SH3D21: variants seen among roughly 807,000 people sequenced by gnomAD.
The protein encoded by SH3D21 is manchette microtubule inner protein 1.
In SH3D21, 83 loss-of-function variants were observed where a neutral mutation model predicts 82.1. The ratio of observed to expected loss-of-function variants is 1.01; its 90% CI spans 0.85 to 1.21. SH3D21 has a LOEUF of 1.21. Ranked by LOEUF, SH3D21 falls within the 50% of genes most tolerant of loss-of-function variation. The pLI, the probability that SH3D21 is intolerant of heterozygous loss-of-function variation, is 0.00. For missense variants in SH3D21, 980 were observed against 962.1 expected, an observed-to-expected ratio of 1.02 and a Z score of -0.25; for synonymous variants, 383 against 387.8, an observed-to-expected ratio of 0.99 and a Z score of 0.15.
downstream of SH3D21, chr1:36,321,537 G>T (rs771096887): frequency 1.7e-4 from 130 of 746,946 alleles, no homozygotes; most frequent in Non-Finnish European, 2.2e-4. The surrounding 1 kb of genome is among the most constrained non-coding windows in gnomAD (Gnocchi z 6.1). Context: ...GGGCCTTCTC[G>T]CCAGCTCGGA....
At chr1:36,322,118 C>T (rs1000297447), downstream of SH3D21, 8 of 1,353,906 alleles carry the variant, frequency 5.9e-6, no homozygotes, top group African/African-American at 1.1e-4. Flanking sequence ...GCTGCCCCCT[C>T]CCCGCCCCCG....
rs544212631 is a variant in SH3D21, at chr1:36,320,026, G to A, written c.1363G>A (p.Glu455Lys). 6.2e-7 allele frequency: 1 copy of A among 1,614,008 alleles called. No individual in the cohort carries two copies. The highest frequency in any genetic ancestry group is 1.3e-5 in the African/African-American group (1 of 74,916). Residue 455 changes from glutamate to lysine, a missense_variant, in exon 14 of 16, where the codon GAG becomes AAG. Transcript: ENST00000453908. ...STPERVFSVE[E>K]SPALEAPPMD... ...TCCAGAGAGGGTCTTTTCAGTGGAAGAGTCCCCTGCCCTAGAAGCCCCACC... is the reference window on the plus strand; with the variant it reads ...TCCAGAGAGGGTCTTTTCAGTGGAAAAGTCCCCTGCCCTAGAAGCCCCACC...
At chr1:36,322,444 C>T, downstream of SH3D21, 1 of 1,604,366 alleles carries the variant, frequency 6.2e-7, no homozygotes. Context: ...TCCAGCTCCT[C>T]CGCCGACGTG....
rs768059417 is a variant in SH3D21 at position 36,320,692 on chromosome 1, C to A, written c.2029C>A (p.Pro677Thr). The change falls in exon 14 of 16, where the codon CCG (proline) becomes ACG (threonine). Residue 677 changes from proline to threonine, a missense_variant. Pro to Thr is a conservative substitution (Grantham distance 38). Transcript: ENST00000453908. ...GACGCTCGCGCTCCCCTCGCTGGTC[C>A]CGCAAAACTACACGGAAAACAAGAA... ...QETLALPSLV[P>T]QNYTENKNEG... 1 of 1,614,230 alleles carries A rather than the reference C, an allele frequency of 6.2e-7. No homozygotes were observed. The highest frequency in any genetic ancestry group is 8.5e-7 in the Non-Finnish European group (1 of 1,180,032).
At chr1:36,322,766 G>A (rs1646489807), downstream of SH3D21, 1 of 1,533,272 alleles carries the variant, frequency 6.5e-7, no homozygotes, top group South Asian at 1.2e-5. Context: ...GGCCCGGACG[G>A]GTGGGGGTTG....
At position 36,320,157 on chromosome 1, in the gene SH3D21, A is replaced by C; in HGVS notation, c.1494A>C (p.Arg498Ser). 1 of 1,613,832 alleles carries C rather than the reference A, an allele frequency of 6.2e-7. No homozygotes were observed. Among genetic ancestry groups the C allele is most frequent in the Non-Finnish European group, 8.5e-7 (1 of 1,180,026 alleles). Reference sequence around the variant, plus strand: ...TTTCTGAAGAAGAGGTGTCCACCAGAGATGACATTCAATTCCATCACTTCT... The same window carrying C: ...TTTCTGAAGAAGAGGTGTCCACCAGCGATGACATTCAATTCCATCACTTCT... ...PELSEEEVSTRDDIQFHHFSS... is the reference protein window; with the variant it reads ...PELSEEEVSTSDDIQFHHFSS... The change falls in exon 14 of 16, where the codon AGA (arginine) becomes AGC (serine). Residue 498 changes from arginine (R) to serine (S), a missense_variant. Coordinates refer to ENST00000453908, the MANE Select transcript of SH3D21 (RefSeq NM_001162530.2).
chr1:36,306,911 C>T lies in SH3D21; in HGVS notation c.226+6C>T. The T allele has an allele frequency of 7.5e-7, 1 of 1,326,742 alleles. No individual in the cohort carries two copies. The highest frequency in any genetic ancestry group is 9.8e-7 in the Non-Finnish European group (1 of 1,015,610). The allele number at this position is 1,326,742 out of a possible 1,614,324, so 82.2% of individuals were successfully genotyped here. On this transcript the variant is annotated splice_donor_region_variant and intron_variant, in intron 3 of 15. Coordinates refer to ENST00000453908, the MANE Select transcript of SH3D21 (RefSeq NM_001162530.2). The surrounding 1 kb of genome is among the most constrained non-coding windows in gnomAD (Gnocchi z 4.5). ...GCGCTGTGCGCGCCGCCGAGGTGAG[C>T]GCAAGGGCGGGGACGGGCGCCGGTG...
rs758302002 is a variant in SH3D21 at position 36,308,364 on chromosome 1, C to T, written c.640-25C>T. The T allele has an allele frequency of 1.5e-5, 23 of 1,549,590 alleles. No homozygotes were observed. In the African/African-American group the frequency reaches 2.1e-4, roughly 14 times the overall value. On this transcript the variant is annotated intron_variant, in intron 8 of 15. Coordinates refer to ENST00000453908, the MANE Select transcript of SH3D21 (RefSeq NM_001162530.2). Reference sequence around the variant, plus strand: ...GGACCTTGGGGGACCTGGCTCACCTCCCCACTGGCGTGTTTCTTTTCCAGA... The same window carrying T: ...GGACCTTGGGGGACCTGGCTCACCTTCCCACTGGCGTGTTTCTTTTCCAGA...
downstream of SH3D21, among the ~76,000 whole-genome samples, chr1:36,327,078 C>T (rs760999574): frequency 6.6e-6 from 1 of 152,202 alleles, no homozygotes; most frequent in South Asian, 2.1e-4. Context: ...GTCTGAAGCT[C>T]GAGCCCATTG....
Position 36,308,228 on chromosome 1 carries a change from G to A in SH3D21, c.639+19G>A, listed in dbSNP as rs140564974. On this transcript the variant is annotated intron_variant, in intron 8 of 15. Transcript: ENST00000453908. ...CAGCAAGGTGTGAGACGAACAGGGT[G>A]GGGGGGCCCAGGGAAGCCGGTGTTG... 5 of 1,512,382 alleles carry A rather than the reference G, an allele frequency of 3.3e-6. No individual in the cohort carries two copies. Among genetic ancestry groups the A allele is most frequent in the East Asian group, 2.5e-5 (1 of 40,534 alleles). 93.7% of individuals were successfully genotyped at this position (1,512,382 alleles called of 1,614,324 possible). A position where few individuals can be genotyped will look rare whatever the true frequency, so the allele number is the denominator to read the frequency against.
At position 36,320,133 on chromosome 1, in the gene SH3D21, T is replaced by C. The variant is rs190057525; in HGVS notation, c.1470T>C (p.Leu490=). 1 of 1,613,914 alleles carries C rather than the reference T, an allele frequency of 6.2e-7. No individual in the cohort carries two copies. The highest frequency in any genetic ancestry group is 8.5e-7 in the Non-Finnish European group (1 of 1,180,008). The change falls in exon 14 of 16, where the codon CTT becomes CTC. Residue 490 remains leucine, a synonymous_variant. Transcript: ENST00000453908. ...PTLEKVLTPE[L]SEEEVSTRDD... is the part of the protein sequence containing the mutation. ...TAGAAAAGGTCTTGACCCCAGAGCT[T>C]TCTGAAGAAGAGGTGTCCACCAGAG...
chr1:36,307,814 C>T lies in SH3D21; in HGVS notation c.481C>T (p.Arg161Trp), dbSNP rs115684297. Residue 161 changes from arginine to tryptophan, a missense_variant, in exon 6 of 16, where the codon CGG becomes TGG. Arg to Trp is a moderately radical substitution (Grantham distance 101, BLOSUM62 -3). Coordinates refer to ENST00000453908, the MANE Select transcript of SH3D21 (RefSeq NM_001162530.2). The surrounding 1 kb of genome is among the most constrained non-coding windows in gnomAD (Gnocchi z 5.4). Reference protein sequence around the residue: ...DMPSVSPGPQRPPKLSSLAYD... With the variant: ...DMPSVSPGPQWPPKLSSLAYD... ...GCCTTCAGTCAGCCCTGGTCCCCAG[C>T]GGCCTCCCAAGGTAAGTTGGCTCAG... 102 of 1,551,798 alleles carry T rather than the reference C, an allele frequency of 6.6e-5. No individual in the cohort carries two copies. The African/African-American group carries it at 7.1e-4, about 11-fold the overall frequency.
chr1:36,324,912 G>C (rs1646526648), downstream of SH3D21: 3 of 152,188 alleles, frequency 2.0e-5, no homozygotes, highest in South Asian at 2.1e-4. Context: ...GCACTTCCTA[G>C]TCTAGTCCAC....
At chr1:36,328,047 A>G (rs374772986), downstream of SH3D21, 7 of 472,524 alleles carry the variant, frequency 1.5e-5, no homozygotes, top group East Asian at 2.1e-4. Context: ...CCCAGGACTT[A>G]TCTGCTGTCT....
chr1:36,328,465 A>C (rs1646565385), downstream of SH3D21: 1 of 296,438 alleles, frequency 3.4e-6, no homozygotes. Flanking sequence ...GTACTGGCAA[A>C]AATTTGCTAA....
In SH3D21 at chr1:36,307,164, T is replaced by C; in HGVS notation, c.227-3T>C. Reference sequence around the variant, plus strand: ...GAGCTCAGCCGCGCTTGTCCGGTGCTAGGTCATCCTGCCAAACACCCGAGG... The same window carrying C: ...GAGCTCAGCCGCGCTTGTCCGGTGCCAGGTCATCCTGCCAAACACCCGAGG... On this transcript the variant is annotated splice_region_variant and splice_polypyrimidine_tract_variant and intron_variant, in intron 3 of 15. Coordinates refer to ENST00000453908, the MANE Select transcript of SH3D21 (RefSeq NM_001162530.2). The surrounding 1 kb of genome is among the most constrained non-coding windows in gnomAD (Gnocchi z 5.4). 6.4e-7 allele frequency: 1 copy of C among 1,551,618 alleles called. No individual in the cohort carries two copies. Among genetic ancestry groups the C allele is most frequent in the Non-Finnish European group, 8.7e-7 (1 of 1,146,948 alleles).
At chr1:36,326,779 TG>T (rs1343078219), downstream of SH3D21, among the ~76,000 whole-genome samples, 1 of 152,184 alleles carries the variant, frequency 6.6e-6, no homozygotes. Context: ...GTTCCTGCAC[TG>T]GACTTGAATG....
rs1200193663 is a variant in SH3D21 at position 36,307,345 on chromosome 1, A to G, written c.345+60A>G. 7 of 1,543,618 alleles carry G rather than the reference A, an allele frequency of 4.5e-6. No homozygotes were observed. Among genetic ancestry groups the G allele is most frequent in the Non-Finnish European group, 6.1e-6 (7 of 1,140,808 alleles). ...GATGATGGAACGCGCCTCCCTAGTG[A>G]GCGGGGTGGGAAGTGAGGGTGTGGA... On this transcript the variant is annotated intron_variant, in intron 4 of 15. Transcript: ENST00000453908. This position sits in a 1 kb window ranked among gnomAD's most constrained non-coding sequence, Gnocchi z 5.4.
rs1253932408 is a variant in SH3D21, at chr1:36,317,897, ACT to A, written c.770-1169_770-1168del. The stretch of plus-strand genomic sequence containing the variant: ...CTAGTCTTGTCAGTCACGCTTAATA[ACT>A]CTCTAACACACTATGTATTTTACTC... On this transcript the variant is annotated intron_variant, in intron 10 of 15. Transcript: ENST00000453908. Among the ~76,000 whole-genome samples, 6 of 151,862 alleles carry A rather than the reference ACT, an allele frequency of 4.0e-5. 1 individual carries two copies. The highest frequency in any genetic ancestry group is 2.1e-4 in the South Asian group (1 of 4,788).
Sources: allele counts gnomAD v4.1 joint callset (sites outside exome capture counted in the v4.1 genomes callset), GRCh38; gene constraint gnomAD v4.1.1; non-coding constraint Gnocchi (gnomAD v3.1); transcripts MANE v1.5; gene names NCBI Gene and HGNC (gene_info 2026-07-23, HGNC 2026-07-21).